The following GUCY2F variants were observed in gnomAD, a reference collection of about 807,000 sequenced individuals.
The protein encoded by GUCY2F is retinal guanylyl cyclase 2.
In GUCY2F, 61 loss-of-function variants were observed where a neutral mutation model predicts 73.1. The ratio of observed to expected loss-of-function variants is 0.83; its 90% confidence interval spans 0.68 to 1.03. GUCY2F has a LOEUF of 1.03. Among genes scored for constraint, GUCY2F ranks in the 50% least tolerant of loss-of-function variants. GUCY2F has a pLI of 0.00. For missense variants in GUCY2F, 912 were observed against 854.3 expected (o/e 1.07, Z -0.84); for synonymous variants, 331 against 307.8 (o/e 1.08, Z -0.79).
chrX:109,471,656 G>A (rs1445560385), intron 2 of GUCY2F, among the ~76,000 whole-genome samples: 1 of 112,348 alleles, frequency 8.9e-6, no homozygotes, highest in Non-Finnish European at 1.9e-5. Flanking sequence ...ATTTGACTTT[G>A]TCAAAGCAAA....
At chrX:109,382,332 G>C (rs771964621) in intron 16 of GUCY2F, 120 bp from the exon 17 acceptor site, 1 of 478,958 alleles carries the variant, frequency 2.1e-6, no homozygotes, top group Non-Finnish European at 3.8e-6. Context: ...AACGTCCTGA[G>C]AGAGGTTTAC....
chrX:109,414,138 A>G (rs6643441), intron 8 of GUCY2F, among the ~76,000 whole-genome samples: 2,612 of 108,679 alleles, frequency 0.024, 79 homozygotes, highest in African/African-American at 0.083. Context: ...TGCCCAACTA[A>G]TTTTTGTATT....
chrX:109,401,158 G>T (rs188311142), intron 10 of GUCY2F, among the ~76,000 whole-genome samples: 1 of 111,736 alleles, frequency 8.9e-6, no homozygotes, highest in African/African-American at 3.3e-5. Context: ...TTTACAATCC[G>T]CCCCCATTTC....
intron 3 of GUCY2F, among the ~76,000 whole-genome samples, chrX:109,455,609 A>G (rs1932242051): frequency 9.0e-6 from 1 of 111,375 alleles, no homozygotes; most frequent in African/African-American, 3.3e-5. Context: ...TTTAGCTTGT[A>G]GACATTTTTA....
chrX:109,418,354 T>C (rs1931292467), intron 8 of GUCY2F, among the ~76,000 whole-genome samples: 1 of 112,165 alleles, frequency 8.9e-6, no homozygotes, highest in African/African-American at 3.2e-5. Context: ...CTGTACAATA[T>C]GCATTAATTT....
intron 8 of GUCY2F, among the ~76,000 whole-genome samples, chrX:109,413,338 C>A (rs922032492): frequency 8.9e-6 from 1 of 111,791 alleles, no homozygotes; most frequent in Non-Finnish European, 1.9e-5. Flanking sequence ...GGCTGGCTAC[C>A]ATCAAATGTT....
chrX:109,472,853 G>A (rs896875472), intron 2 of GUCY2F, among the ~76,000 whole-genome samples: 12 of 111,981 alleles, frequency 1.1e-4, no homozygotes, highest in Non-Finnish European at 2.1e-4. Context: ...TGGACAACAA[G>A]GGCAAGGTCT....
chrX:109,434,783 C>G (rs1304129902), intron 7 of GUCY2F, among the ~76,000 whole-genome samples: 1 of 110,905 alleles, frequency 9.0e-6, no homozygotes, highest in Non-Finnish European at 1.9e-5. Flanking sequence ...GTCTTTAATC[C>G]ATCTTAAATT....
chrX:109,378,391 G>A (rs1930226003), intron 17 of GUCY2F, among the ~76,000 whole-genome samples: 1 of 111,286 alleles, frequency 9.0e-6, no homozygotes, highest in African/African-American at 3.3e-5. Flanking sequence ...GCAACTATTG[G>A]GAAATTTGAA....
intron 8 of GUCY2F, among the ~76,000 whole-genome samples, chrX:109,417,293 A>G (rs1164805545): frequency 9.0e-6 from 1 of 111,662 alleles, no homozygotes; most frequent in African/African-American, 3.2e-5. Context: ...ACTATATTAT[A>G]TGGTTCACAA....
chrX:109,403,437 T>C (rs1375510312), intron 10 of GUCY2F, among the ~76,000 whole-genome samples: 3 of 111,803 alleles, frequency 2.7e-5, no homozygotes, highest in Non-Finnish European at 5.6e-5. Context: ...AGAAAAGCAC[T>C]TGGGGCACAA....
chrX:109,474,842 A>G (rs989053803), intron 2 of GUCY2F, among the ~76,000 whole-genome samples: 6 of 111,881 alleles, frequency 5.4e-5, no homozygotes, highest in African/African-American at 2.0e-4. Context: ...AAATGAAGCC[A>G]TAAGAAGACC....
chrX:109,476,070 C>A, intron 1 of GUCY2F, 49 bp from the exon 2 acceptor site: 2 of 482,754 alleles, frequency 4.1e-6, no homozygotes, highest in Non-Finnish European at 6.3e-6. Context: ...TCTGAAGCTT[C>A]TGGAAATCAT....
In GUCY2F at chrX:109,394,121, C is replaced by A. The variant is rs780978669; in HGVS notation, c.2425-1066G>T. ...CCTCCCACTTAAGTTTTATTAACTG[C>A]AGGAAGTTAGGTGGCTAGCCTTGTC... On this transcript the variant is annotated intron_variant, in intron 12 of 19. Coordinates refer to ENST00000218006, the MANE Select transcript of GUCY2F (RefSeq NM_001522.3). Among the ~76,000 whole-genome samples, 3 of 111,948 alleles carry A rather than the reference C, an allele frequency of 2.7e-5. No individual in the cohort carries two copies. The East Asian group carries it at 8.5e-4, about 32-fold the overall frequency.
intron 14 of GUCY2F, among the ~76,000 whole-genome samples, chrX:109,390,248 G>A (rs924072519): frequency 1.8e-5 from 2 of 111,348 alleles, no homozygotes; most frequent in African/African-American, 6.5e-5. Context: ...GGTGCTGAGG[G>A]AAAAGGAGGT....
intron 17 of GUCY2F, among the ~76,000 whole-genome samples, chrX:109,378,953 A>ACATTAG (rs767931800): frequency 8.9e-6 from 1 of 112,223 alleles, no homozygotes; most frequent in African/African-American, 3.2e-5. Flanking sequence ...AGCACTAGGC[A>ACATTAG]CATTAGCCAA....
intron 12 of GUCY2F, among the ~76,000 whole-genome samples, chrX:109,393,334 C>T (rs747770081): frequency 8.6e-5 from 9 of 104,557 alleles, no homozygotes; most frequent in African/African-American, 2.5e-4. Flanking sequence ...TGAGCCGGCT[C>T]CTTCAGTTCT....
At position 109,393,716 on chromosome X, in the gene GUCY2F, C is replaced by G. The variant is rs1038542642; in HGVS notation, c.2425-661G>C. Reference sequence around the variant, plus strand: ...ATGCCTTAGAGATGTCTGCATGTCACAAATTTTCAATACGCCTTTTTGGGA... The same window carrying G: ...ATGCCTTAGAGATGTCTGCATGTCAGAAATTTTCAATACGCCTTTTTGGGA... On this transcript the variant is annotated intron_variant, in intron 12 of 19. Transcript: ENST00000218006. Among the ~76,000 whole-genome samples the G allele has an allele frequency of 2.7e-5, 3 of 112,063 alleles. No homozygotes were observed. The Admixed American group carries it at 2.8e-4, about 11-fold the overall frequency.
intron 8 of GUCY2F, among the ~76,000 whole-genome samples, chrX:109,424,094 T>A (rs1195535700): frequency 8.9e-6 from 1 of 112,244 alleles, no homozygotes; most frequent in Non-Finnish European, 1.9e-5. Flanking sequence ...AGCTTGAGCA[T>A]ATCATATACA....
Sources: allele counts gnomAD v4.1 joint callset (sites outside exome capture counted in the v4.1 genomes callset), GRCh38; gene constraint gnomAD v4.1.1; transcripts MANE v1.5; gene names NCBI Gene and HGNC (gene_info 2026-07-23, HGNC 2026-07-21).